PCNX3: variants seen among roughly 807,000 people sequenced by gnomAD.
PCNX3 encodes pecanex 3.
PCNX3 carries 58 observed loss-of-function variants against 207.2 expected under a neutral mutation model. The ratio of observed to expected loss-of-function variants is 0.28; its 90% confidence interval spans 0.23 to 0.35. The LOEUF is 0.35. Among genes scored for constraint, PCNX3 ranks in the 10% least tolerant of loss-of-function variants. The pLI is 1.00. For synonymous variants in PCNX3, 1,337 were observed against 1,183.5 expected (o/e 1.13, Z -2.66); for missense variants, 2,410 against 2,774.4 (o/e 0.87, Z 2.95).
intron 29 of PCNX3, 57 bp downstream of exon 29, chr11:65,634,698 G>C: frequency 6.8e-7 from 1 of 1,459,972 alleles, no homozygotes; most frequent in Non-Finnish European, 9.2e-7. Context: ...CCTCTTCCAC[G>C]AAGAGCACTG....
chr11:65,623,635 C>T lies in PCNX3; in HGVS notation c.2502C>T (p.Ser834=), dbSNP rs1219347428. Reference sequence around the variant, plus strand: ...TGGTCATCGCCTCCTGCCAGTACTCCTTGCTGAAGGTCAGGCCGGGCTCTC... The same window carrying T: ...TGGTCATCGCCTCCTGCCAGTACTCTTTGCTGAAGGTCAGGCCGGGCTCTC... ...FCLVIASCQY[S]LLKSVQPDAA... is the part of the protein sequence containing the mutation. Residue 834 remains serine, a synonymous_variant, in exon 12 of 35, where the codon TCC becomes TCT. Coordinates refer to ENST00000355703, the MANE Select transcript of PCNX3 (RefSeq NM_032223.4). 6 of 1,612,778 alleles carry T rather than the reference C, an allele frequency of 3.7e-6. No individual in the cohort carries two copies. The East Asian group carries it at 6.7e-5, about 18-fold the overall frequency.
In PCNX3 at chr11:65,616,106, C is replaced by T. The variant is rs1449986043; in HGVS notation, c.-206C>T. On this transcript the variant is annotated 5_prime_UTR_variant, in exon 1 of 35. Coordinates refer to ENST00000355703, the MANE Select transcript of PCNX3 (RefSeq NM_032223.4). Reference sequence around the variant, plus strand: ...CCCTGATGCAGCCCCACCCCCGCGTCCGGGCCTTGCACCACTGACTGTCCC... The same window carrying T: ...CCCTGATGCAGCCCCACCCCCGCGTTCGGGCCTTGCACCACTGACTGTCCC... 8.4e-6 allele frequency: 3 copies of T among 356,982 alleles called. No homozygotes were observed. The highest frequency in any genetic ancestry group is 1.5e-5 in the Non-Finnish European group (3 of 201,230). The allele number at this position is 356,982 out of a possible 1,614,324, so 22.1% of individuals were successfully genotyped here.
Position 65,624,908 on chromosome 11 carries a change from T to G in PCNX3, c.2828-17T>G, listed in dbSNP as rs1565162369. 6.2e-7 allele frequency: 1 copy of G among 1,600,398 alleles called. No individual in the cohort carries two copies. The highest frequency in any genetic ancestry group is 8.5e-7 in the Non-Finnish European group (1 of 1,175,432). On this transcript the variant is annotated splice_polypyrimidine_tract_variant and intron_variant, in intron 15 of 34. Transcript: ENST00000355703. ...CCTGCAAGTGAGAGCTGGGCTGTAC[T>G]TCTCCCTTCCACACAGCTGCCACCA...
chr11:65,631,740 C>T (rs1032965627), intron 27 of PCNX3, among the ~76,000 whole-genome samples: 3 of 151,682 alleles, frequency 2.0e-5, no homozygotes, highest in African/African-American at 7.3e-5. Context: ...ACAGTGCAGG[C>T]TCCCACGTGC....
At position 65,624,901 on chromosome 11, in the gene PCNX3, G is replaced by T. The variant is rs762508192; in HGVS notation, c.2828-24G>T. On this transcript the variant is annotated intron_variant, in intron 15 of 34. Coordinates refer to ENST00000355703, the MANE Select transcript of PCNX3 (RefSeq NM_032223.4). ...TGGGGTACCTGCAAGTGAGAGCTGG[G>T]CTGTACTTCTCCCTTCCACACAGCT... 7 of 1,594,242 alleles carry T rather than the reference G, an allele frequency of 4.4e-6. No individual in the cohort carries two copies. In the Admixed American group the frequency reaches 5.1e-5, roughly 12 times the overall value.
intron 23 of PCNX3, 47 bp from the exon 24 acceptor site, chr11:65,628,769 TGGG>T: frequency 1.7e-5 from 5 of 299,600 alleles, no homozygotes; most frequent in Non-Finnish European, 2.8e-5. Context: ...TGGGGGGTGG[TGGG>T]GGGCTGGGAG....
chr11:65,620,726 T>A (rs1381583261), intron 9 of PCNX3, 105 bp from the exon 10 acceptor site: 2 of 1,463,576 alleles, frequency 1.4e-6, no homozygotes, highest in Admixed American at 4.0e-5. Flanking sequence ...CCCTGGTTGG[T>A]CTCGGCACAG....
intron 5 of PCNX3, 60 bp downstream of exon 5, chr11:65,617,766 C>G: frequency 2.6e-6 from 4 of 1,532,542 alleles, no homozygotes; most frequent in Non-Finnish European, 3.5e-6. Flanking sequence ...GTTGTTGAAT[C>G]CCCTCAACTT....
intron 9 of PCNX3, 67 bp from the exon 10 acceptor site, chr11:65,620,764 C>A: frequency 1.3e-6 from 2 of 1,553,218 alleles, no homozygotes; most frequent in Non-Finnish European, 1.7e-6. Flanking sequence ...GCCTTGGCCT[C>A]GGCCTCGACC....
Position 65,616,400 on chromosome 11 carries a change from T to C in PCNX3, c.89T>C (p.Phe30Ser). The C allele has an allele frequency of 1.2e-6, 2 of 1,610,884 alleles. No individual in the cohort carries two copies. The highest frequency in any genetic ancestry group is 1.7e-6 in the Non-Finnish European group (2 of 1,179,536). ...TTCTTCGACCCGCACCAGAGCACCT[T>C]CTCCAACTGCTTCCACCTCTATGTC... ...GWFFDPHQST[F>S]SNCFHLYVWI... is the part of the protein sequence containing the mutation. The change falls in exon 1 of 35, where the codon TTC (phenylalanine) becomes TCC (serine). Residue 30 changes from phenylalanine (F) to serine (S), a missense_variant. Phe to Ser is a radical substitution (Grantham distance 155, BLOSUM62 -2). This residue lies in a region of PCNX3 where 1,104 missense variants were observed against 970.3 expected (regional missense o/e 1.14). Coordinates refer to ENST00000355703, the MANE Select transcript of PCNX3 (RefSeq NM_032223.4).
chr11:65,636,444 C>T lies in PCNX3; in HGVS notation c.5647C>T (p.Leu1883=). The T allele has an allele frequency of 6.4e-7, 1 of 1,557,512 alleles. No homozygotes were observed. The highest frequency in any genetic ancestry group is 8.7e-7 in the Non-Finnish European group (1 of 1,153,606). The part of the protein sequence containing the change: ...PGPGWGPRSS[L]SGSGDGRPPP... ...CCCTGGCTGGGGGCCGCGGTCCTCC[C>T]TGAGTGGCTCTGGTGATGGGCGGCC... The change falls in exon 34 of 35, where the codon CTG becomes TTG. Residue 1883 remains leucine, a synonymous_variant. Transcript: ENST00000355703.
chr11:65,622,130 C>T (rs549480593), intron 10 of PCNX3, 115 bp from the exon 11 acceptor site: 14 of 1,454,410 alleles, frequency 9.6e-6, no homozygotes, highest in Middle Eastern at 2.2e-4. Flanking sequence ...TCAACCAGAC[C>T]GGTGTGCTGA....
Position 65,625,579 on chromosome 11 carries a change from G to A in PCNX3, c.3135+69G>A, listed in dbSNP as rs957402545. The A allele has an allele frequency of 1.3e-6, 2 of 1,584,372 alleles. No homozygotes were observed. Among genetic ancestry groups the A allele is most frequent in the Non-Finnish European group, 8.6e-7 (1 of 1,164,760 alleles). On this transcript the variant is annotated intron_variant, in intron 18 of 34. Coordinates refer to ENST00000355703, the MANE Select transcript of PCNX3 (RefSeq NM_032223.4). The surrounding 1 kb of genome is among the most constrained non-coding windows in gnomAD (Gnocchi z 5.6). ...GTCCTGGGGTTCCTGGGAGGGGCAT[G>A]TCCAGCTTGGGCTGCTGGGCAGCTG...
Position 65,618,891 on chromosome 11 carries a change from G to C in PCNX3, c.1529G>C (p.Gly510Ala), listed in dbSNP as rs1403223326. The change falls in exon 6 of 35, where the codon GGG becomes GCG. Residue 510 changes from glycine (G) to alanine (A), a missense_variant. Transcript: ENST00000355703. ...CGTGTGCTGAGCATGGATGGGGCTGGGGGTGATGTTCTGAGGCCCCCACTG... is the reference window on the plus strand; with the variant it reads ...CGTGTGCTGAGCATGGATGGGGCTGCGGGTGATGTTCTGAGGCCCCCACTG... The part of the protein sequence containing the change: ...HARVLSMDGA[G>A]GDVLRPPLAG... 6.2e-7 allele frequency: 1 copy of C among 1,609,984 alleles called. No homozygotes were observed. The highest frequency in any genetic ancestry group is 8.5e-7 in the Non-Finnish European group (1 of 1,178,956).
rs1193547907 is a variant in PCNX3, at chr11:65,628,594, G to C, written c.3703-1G>C. Reference sequence around the variant, plus strand: ...TTTCTTCTCCCTGTTGGCCCTGCCAGCTGTGGGACTTGCTGTACAAGCTGC... The same window carrying C: ...TTTCTTCTCCCTGTTGGCCCTGCCACCTGTGGGACTTGCTGTACAAGCTGC... On this transcript the variant is annotated splice_acceptor_variant, in intron 22 of 34. Transcript: ENST00000355703. LOFTEE classifies it high-confidence loss of function. 6.2e-7 allele frequency: 1 copy of C among 1,612,986 alleles called. No homozygotes were observed. Among genetic ancestry groups the C allele is most frequent in the Non-Finnish European group, 8.5e-7 (1 of 1,179,828 alleles).
At position 65,629,231 on chromosome 11, in the gene PCNX3, CTCA is replaced by C. The variant is rs1565167648; in HGVS notation, c.3942-123_3942-121del. The C allele has an allele frequency of 2.8e-6, 3 of 1,068,614 alleles. No individual in the cohort carries two copies. The East Asian group carries it at 7.8e-5, about 28-fold the overall frequency. 66.2% of individuals were successfully genotyped at this position (1,068,614 alleles called of 1,614,324 possible). On this transcript the variant is annotated intron_variant, in intron 24 of 34. Coordinates refer to ENST00000355703, the MANE Select transcript of PCNX3 (RefSeq NM_032223.4). ...CTTCATGTACCTGAGCCTCAGTCTC[CTCA>C]TCTGCCTGCATAACGGGGCTGTCCT... is the stretch of plus-strand genomic sequence containing the variant.
rs754050181 is a variant in PCNX3 at position 65,636,707 on chromosome 11, G to A, written c.5892+18G>A. Reference sequence around the variant, plus strand: ...AATCTCAGGTAAGGCACCTGTGGGAGGGTTGGGTCCCAGAAGGCTAAGGCC... The same window carrying A: ...AATCTCAGGTAAGGCACCTGTGGGAAGGTTGGGTCCCAGAAGGCTAAGGCC... On this transcript the variant is annotated intron_variant, in intron 34 of 34. Transcript: ENST00000355703. 1 of 1,564,412 alleles carries A rather than the reference G, an allele frequency of 6.4e-7. No homozygotes were observed. Among genetic ancestry groups the A allele is most frequent in the South Asian group, 1.2e-5 (1 of 85,162 alleles).
Position 65,636,631 on chromosome 11 carries a change from G to T in PCNX3, c.5834G>T (p.Gly1945Val). The T allele has an allele frequency of 6.3e-7, 1 of 1,586,890 alleles. No homozygotes were observed. The highest frequency in any genetic ancestry group is 8.6e-7 in the Non-Finnish European group (1 of 1,168,946). Residue 1945 changes from glycine (G) to valine (V), a missense_variant, in exon 34 of 35, where the codon GGA (glycine) becomes GTA (valine). Gly to Val is a moderately radical substitution (Grantham distance 109). Around this residue, in one of 8 missense-constraint regions of PCNX3, gnomAD observed 278 missense variants for 245.1 expected, o/e 1.13. Transcript: ENST00000355703. ...KWSLGGRKGL[G>V]GSDGEPASGS... The stretch of plus-strand genomic sequence containing the variant: ...AGCCTGGGGGGCCGGAAGGGGCTGG[G>T]AGGATCTGACGGGGAGCCAGCCTCA...
At chr11:65,620,218 T>A in intron 8 of PCNX3, 121 bp from the exon 9 acceptor site, 4 of 1,082,646 alleles carry the variant, frequency 3.7e-6, no homozygotes, top group Non-Finnish European at 5.2e-6. Context: ...GAGGCTGGGC[T>A]GCCCTCTCAG....
Sources: gnomAD v4.1 joint callset for allele counts (sites outside exome capture counted in the v4.1 genomes callset) on GRCh38, gnomAD v4.1.1 for gene constraint, gnomAD v4.1.1 regional missense constraint, Gnocchi (gnomAD v3.1) non-coding constraint, MANE v1.5 for transcripts, NCBI Gene and HGNC (gene_info 2026-07-23, HGNC 2026-07-21) for gene names.